MB21D2: variants seen among roughly 807,000 people sequenced by gnomAD.
The protein encoded by MB21D2 is nucleotidyltransferase MB21D2.
A neutral mutation model predicts 33.3 loss-of-function variants in MB21D2; 9 were observed. That is an observed-to-expected ratio of 0.27 (90% confidence interval 0.16 to 0.47). The LOEUF (loss-of-function observed/expected upper bound fraction) is 0.47, where lower values mean the gene tolerates loss of function less well. Among genes scored for constraint, MB21D2 ranks in the 20% least tolerant of loss-of-function variants. The pLI is 0.99. For synonymous variants in MB21D2, 241 were observed against 236.3 expected (o/e 1.02, Z -0.18); for missense variants, 540 against 624.6 (o/e 0.86, Z 1.44).
rs1244546538 is a variant in MB21D2, at chr3:192,797,158, A to T, written c.*1228T>A. The T allele has an allele frequency of 6.5e-6, 1 of 152,688 alleles. No homozygotes were observed. Among genetic ancestry groups the T allele is most frequent in the East Asian group, 1.9e-4 (1 of 5,190 alleles). 9.5% of individuals were successfully genotyped at this position (152,688 alleles called of 1,614,324 possible). On this transcript the variant is annotated 3_prime_UTR_variant, in exon 2 of 2. Coordinates refer to ENST00000392452, the MANE Select transcript of MB21D2 (RefSeq NM_178496.4). ...GGCAAGTAACTTCACTCATGAAGAC[A>T]GGACACCTCTATACCAAGGCTGCCA...
chr3:192,851,497 T>TA (rs1712804795), intron 1 of MB21D2, among the ~76,000 whole-genome samples: 1 of 137,812 alleles, frequency 7.3e-6, no homozygotes, highest in African/African-American at 3.0e-5. Context: ...GTCTGTTTTT[T>TA]TTTTTTTTTT....
chr3:192,914,639 T>C (rs1053346254), intron 1 of MB21D2, among the ~76,000 whole-genome samples: 1 of 151,786 alleles, frequency 6.6e-6, no homozygotes, highest in African/African-American at 2.4e-5. Flanking sequence ...ATAACACCAA[T>C]CATTCTCCTA....
rs778456284 is a variant in MB21D2 at position 192,798,524 on chromosome 3, G to A, written c.1338C>T (p.Asp446=). ...CCAAACGGTCATCAGGCTGGTTGGG[G>A]TCCCCTCCGTCAGACTGTGGAGAGG... ...SIPSPQSDGG[D]PNQPDDRLAK... Residue 446 remains aspartate (D), a synonymous_variant, in exon 2 of 2, where the codon GAC becomes GAT. Coordinates refer to ENST00000392452, the MANE Select transcript of MB21D2 (RefSeq NM_178496.4). The surrounding 1 kb of genome is among the most constrained non-coding windows in gnomAD (Gnocchi z 4.8). The A allele has an allele frequency of 4.3e-5, 70 of 1,614,074 alleles. No homozygotes were observed. In the South Asian group the frequency reaches 7.5e-4, roughly 17 times the overall value.
intron 1 of MB21D2, among the ~76,000 whole-genome samples, chr3:192,909,187 C>T (rs1002607778): frequency 1.2e-4 from 18 of 150,900 alleles, no homozygotes; most frequent in Admixed American, 9.9e-4. Context: ...ACCCGGGAGG[C>T]GGAGCTTGCA....
intron 1 of MB21D2, among the ~76,000 whole-genome samples, chr3:192,866,882 G>A (rs1015811457): frequency 3.3e-5 from 5 of 152,052 alleles, no homozygotes; most frequent in East Asian, 1.9e-4. Context: ...CTCCCCTCCC[G>A]CTTCACACAC....
chr3:192,897,200 T>G (rs149530780), intron 1 of MB21D2, among the ~76,000 whole-genome samples: 104 of 152,246 alleles, frequency 6.8e-4, no homozygotes, highest in African/African-American at 2.4e-3. Flanking sequence ...TTGTTCAAAG[T>G]CGTCAAACTA....
At chr3:192,826,894 T>C (rs1483126351) in intron 1 of MB21D2, among the ~76,000 whole-genome samples, 1 of 151,516 alleles carries the variant, frequency 6.6e-6, no homozygotes, top group African/African-American at 2.4e-5. Context: ...TCCCTTTCCT[T>C]CTTTTTTTTT....
At chr3:192,828,734 C>T (rs1487090251) in intron 1 of MB21D2, among the ~76,000 whole-genome samples, 2 of 147,236 alleles carry the variant, frequency 1.4e-5, no homozygotes, top group Non-Finnish European at 1.5e-5. Flanking sequence ...CTGCAGGCTG[C>T]GCCTCCCAGG....
At chr3:192,840,276 A>G (rs1712537498) in intron 1 of MB21D2, among the ~76,000 whole-genome samples, 1 of 152,204 alleles carries the variant, frequency 6.6e-6, no homozygotes, top group Admixed American at 6.5e-5. Context: ...TTAGAAACAT[A>G]CATATTACAC....
rs183705621 is a variant in MB21D2 at position 192,803,277 on chromosome 3, T to C, written c.212-3627A>G. Among the ~76,000 whole-genome samples the C allele has an allele frequency of 3.4e-3, 521 of 152,362 alleles. 10 individuals carry two copies. The South Asian group carries it at 0.057, about 17-fold the overall frequency. On this transcript the variant is annotated intron_variant, in intron 1 of 1. Coordinates refer to ENST00000392452, the MANE Select transcript of MB21D2 (RefSeq NM_178496.4). ...GATGCTTATGCATCTCGTTAAAATG[T>C]TGACCCTTTATTCAAAGGAGTCAAC... is the stretch of plus-strand genomic sequence containing the variant.
Position 192,917,854 on chromosome 3 carries a change from A to C in MB21D2, c.-14T>G, listed in dbSNP as rs750725423. 1.2e-6 allele frequency: 2 copies of C among 1,603,990 alleles called. No individual in the cohort carries two copies. The highest frequency in any genetic ancestry group is 4.5e-5 in the East Asian group (2 of 44,696). On this transcript the variant is annotated 5_prime_UTR_variant, in exon 1 of 2. Transcript: ENST00000392452. Reference sequence around the variant, plus strand: ...CGCCATCTTCATGCAAAACGCGCCGAGTAGCAGCTCCGCGGCAGCGCGGCA... The same window carrying C: ...CGCCATCTTCATGCAAAACGCGCCGCGTAGCAGCTCCGCGGCAGCGCGGCA...
chr3:192,867,427 C>G (rs1713193804), intron 1 of MB21D2, among the ~76,000 whole-genome samples: 1 of 152,152 alleles, frequency 6.6e-6, no homozygotes, highest in African/African-American at 2.4e-5. Context: ...GGCTGTCACC[C>G]CACTATGTAC....
At chr3:192,851,511 T>TTTTTTTTTTTTTTTTTTTTTTTTTTTTTG (rs368434734) in intron 1 of MB21D2, among the ~76,000 whole-genome samples, 1 of 143,844 alleles carries the variant, frequency 7.0e-6, no homozygotes, top group African/African-American at 2.8e-5. Flanking sequence ...TTTTTTTTTT[T>TTTTTTTTTTTTTTTTTTTTTTTTTTTTTG]GGAGATGGAG....
chr3:192,892,778 G>A (rs1262770794), intron 1 of MB21D2, among the ~76,000 whole-genome samples: 1 of 152,076 alleles, frequency 6.6e-6, no homozygotes, highest in African/African-American at 2.4e-5. Context: ...GGTACGAGCA[G>A]ACCCAGGCTA....
At chr3:192,895,908 T>C (rs1713962332) in intron 1 of MB21D2, among the ~76,000 whole-genome samples, 2 of 152,290 alleles carry the variant, frequency 1.3e-5, no homozygotes, top group Middle Eastern at 6.8e-3. Flanking sequence ...TAAGAAACTG[T>C]TGAGTCAAAT....
intron 1 of MB21D2, among the ~76,000 whole-genome samples, chr3:192,895,079 G>C (rs1319564366): frequency 6.6e-6 from 1 of 151,876 alleles, no homozygotes; most frequent in Non-Finnish European, 1.5e-5. Context: ...GGCCTGGGTT[G>C]GGGGGGAGGG....
intron 1 of MB21D2, among the ~76,000 whole-genome samples, chr3:192,893,846 G>A (rs1238452683): frequency 6.6e-6 from 1 of 152,088 alleles, no homozygotes; most frequent in African/African-American, 2.4e-5. Context: ...AAACAGTCTG[G>A]GCAACATAGA....
chr3:192,917,855 G>A lies in MB21D2; in HGVS notation c.-15C>T. 5 of 1,603,234 alleles carry A rather than the reference G, an allele frequency of 3.1e-6. No homozygotes were observed. Among genetic ancestry groups the A allele is most frequent in the Middle Eastern group, 2.3e-4 (1 of 4,412 alleles). On this transcript the variant is annotated 5_prime_UTR_variant, in exon 1 of 2. Coordinates refer to ENST00000392452, the MANE Select transcript of MB21D2 (RefSeq NM_178496.4). The stretch of plus-strand genomic sequence containing the variant: ...GCCATCTTCATGCAAAACGCGCCGA[G>A]TAGCAGCTCCGCGGCAGCGCGGCAC...
intron 1 of MB21D2, among the ~76,000 whole-genome samples, chr3:192,867,081 T>G (rs1713187115): frequency 6.6e-6 from 1 of 152,004 alleles, no homozygotes; most frequent in African/African-American, 2.4e-5. Context: ...TATTGCAATA[T>G]TAGGTTATAA....
Sources: allele counts gnomAD v4.1 joint callset (sites outside exome capture counted in the v4.1 genomes callset), GRCh38; gene constraint gnomAD v4.1.1; non-coding constraint Gnocchi (gnomAD v3.1); transcripts MANE v1.5; gene names NCBI Gene and HGNC (gene_info 2026-07-23, HGNC 2026-07-21).